The following PTPRQ variants were observed in gnomAD, a reference collection of about 807,000 sequenced individuals.
PTPRQ encodes the protein protein tyrosine phosphatase receptor type Q, also known as phosphatidylinositol phosphatase PTPRQ.
Under a neutral mutation model 246.0 loss-of-function variants are expected in PTPRQ, and 199 were observed. That is an observed-to-expected ratio of 0.81 (90% CI 0.72 to 0.91). The LOEUF (loss-of-function observed/expected upper bound fraction) is 0.91. PTPRQ is among the 40% of genes least tolerant of loss of function. The pLI is 0.00. For synonymous variants in PTPRQ, 869 were observed against 853.2 expected (o/e 1.02, Z -0.32); for missense variants, 2,624 against 2,528.4 (o/e 1.04, Z -0.81).
intron 8 of PTPRQ, among the ~76,000 whole-genome samples, chr12:80,479,937 C>A (rs1249428383): frequency 1.3e-5 from 2 of 151,550 alleles, no homozygotes; most frequent in African/African-American, 2.4e-5. Context: ...GACTTTAACA[C>A]CCCACTGTCA....
intron 30 of PTPRQ, among the ~76,000 whole-genome samples, chr12:80,619,172 A>G (rs913805424): frequency 3.3e-5 from 5 of 151,582 alleles, no homozygotes; most frequent in African/African-American, 1.2e-4. Flanking sequence ...CCTGGGCTCT[A>G]TTATCTCAGG....
At chr12:80,586,950 T>A (rs796966203) in intron 25 of PTPRQ, among the ~76,000 whole-genome samples, 35 of 152,158 alleles carry the variant, frequency 2.3e-4, no homozygotes, top group South Asian at 2.1e-4. Context: ...ACTACACCAT[T>A]TTATATAAGG....
intron 9 of PTPRQ, among the ~76,000 whole-genome samples, chr12:80,487,416 A>G (rs1005802478): frequency 6.6e-6 from 1 of 152,084 alleles, no homozygotes; most frequent in Non-Finnish European, 1.5e-5. Flanking sequence ...AGAGCGGCTG[A>G]CTTGAAGTCT....
At position 80,472,179 on chromosome 12, in the gene PTPRQ, G is replaced by T. The variant is rs1893660516; in HGVS notation, c.1114G>T (p.Val372Phe). 6.4e-7 allele frequency: 1 copy of T among 1,551,584 alleles called. No individual in the cohort carries two copies. The highest frequency in any genetic ancestry group is 8.7e-7 in the Non-Finnish European group (1 of 1,146,956). Residue 372 changes from valine (V) to phenylalanine (F), a missense_variant, in exon 8 of 45, where the codon GTC becomes TTC. Physicochemically the swap from Val to Phe is conservative, Grantham distance 50. Transcript: ENST00000644991. ...TNLTPFTMYD[V>F]YIAAETSAGT... ...CCTAACACCATTTACAATGTATGAT[G>T]TCTATATTGCGGCTGAAACCAGTGC...
At chr12:80,562,064 G>T (rs1037597763) in intron 25 of PTPRQ, among the ~76,000 whole-genome samples, 1 of 152,050 alleles carries the variant, frequency 6.6e-6, no homozygotes, top group Non-Finnish European at 1.5e-5. Context: ...TGTTAATAAG[G>T]TGGATTATGT....
intron 25 of PTPRQ, among the ~76,000 whole-genome samples, chr12:80,587,022 A>G (rs1897643031): frequency 6.6e-6 from 1 of 152,180 alleles, no homozygotes; most frequent in Non-Finnish European, 1.5e-5. Context: ...CCCTGTGGAT[A>G]CAAAAGGTGA....
Position 80,634,956 on chromosome 12 carries a change from A to G in PTPRQ, c.5798A>G (p.Lys1933Arg). 1 of 1,550,728 alleles carries G rather than the reference A, an allele frequency of 6.4e-7. No homozygotes were observed. Residue 1933 changes from lysine to arginine, a missense_variant, in exon 35 of 45, where the codon AAG (lysine) becomes AGG (arginine). By Grantham distance (26) the Lys-to-Arg change is conservative. Coordinates refer to ENST00000644991, the MANE Select transcript of PTPRQ (RefSeq NM_001145026.2). Reference protein sequence around the residue: ...AIFAFARIRQKQKEGGTYSPQ... With the variant: ...AIFAFARIRQRQKEGGTYSPQ... ...TCCGCTTGTTTTAGAATTCGACAGA[A>G]GCAGAAAGAAGGTGGCACATACTCT...
intron 26 of PTPRQ, among the ~76,000 whole-genome samples, chr12:80,600,155 C>T (rs144665392): frequency 6.6e-6 from 1 of 151,744 alleles, no homozygotes; most frequent in East Asian, 1.9e-4. Context: ...GGGCTAAATA[C>T]CTTGCTTTTT....
At chr12:80,447,731 G>C (rs1462383343) in intron 3 of PTPRQ, among the ~76,000 whole-genome samples, 1 of 150,176 alleles carries the variant, frequency 6.7e-6, no homozygotes, top group Non-Finnish European at 1.5e-5. Flanking sequence ...TTTATTTCTG[G>C]GTTTTCTATT....
At chr12:80,658,847 T>C (rs994976302) in intron 39 of PTPRQ, among the ~76,000 whole-genome samples, 2 of 152,020 alleles carry the variant, frequency 1.3e-5, no homozygotes, top group African/African-American at 4.8e-5. Context: ...CTTTTTCTTA[T>C]CCATAGGTCT....
At chr12:80,573,886 G>T (rs2120966322) in intron 25 of PTPRQ, among the ~76,000 whole-genome samples, 1 of 151,848 alleles carries the variant, frequency 6.6e-6, no homozygotes, top group African/African-American at 2.4e-5. Context: ...TAAATATTTT[G>T]CCATAAGGTT....
chr12:80,541,954 G>A, intron 21 of PTPRQ, 109 bp downstream of exon 21: 2 of 1,459,058 alleles, frequency 1.4e-6, no homozygotes, highest in Non-Finnish European at 1.8e-6. Context: ...TTGATCTCAA[G>A]TAATTAGCCT....
intron 42 of PTPRQ, among the ~76,000 whole-genome samples, chr12:80,671,402 C>A (rs1323736976): frequency 6.6e-6 from 1 of 152,038 alleles, no homozygotes; most frequent in Non-Finnish European, 1.5e-5. Context: ...TGATTAAAAC[C>A]TTTGATGGAC....
At chr12:80,448,819 G>A (rs1386987979) in intron 3 of PTPRQ, among the ~76,000 whole-genome samples, 2 of 148,600 alleles carry the variant, frequency 1.3e-5, no homozygotes, top group Admixed American at 6.7e-5. Flanking sequence ...ATTGTGAATA[G>A]TGCCGCAATA....
intron 25 of PTPRQ, among the ~76,000 whole-genome samples, chr12:80,581,220 A>G (rs2120993729): frequency 6.6e-6 from 1 of 152,320 alleles, no homozygotes; most frequent in East Asian, 1.9e-4. Flanking sequence ...AAATTGAAAC[A>G]TGGGAAAGGT....
At chr12:80,646,701 T>C (rs1018386076) in intron 35 of PTPRQ, among the ~76,000 whole-genome samples, 6 of 152,066 alleles carry the variant, frequency 3.9e-5, no homozygotes, top group Non-Finnish European at 8.8e-5. Flanking sequence ...CACAAACTTT[T>C]AAAAATCTGA....
chr12:80,520,840 T>A (rs1172964664), intron 17 of PTPRQ, among the ~76,000 whole-genome samples: 1 of 152,076 alleles, frequency 6.6e-6, no homozygotes, highest in Non-Finnish European at 1.5e-5. Context: ...TGTGTCTTTA[T>A]AGAAGCATGT....
At chr12:80,649,027 A>G in intron 36 of PTPRQ, 104 bp downstream of exon 36, 2 of 1,090,632 alleles carry the variant, frequency 1.8e-6, no homozygotes, top group South Asian at 2.3e-5. Flanking sequence ...TGTTTGTTGG[A>G]AAAACCTCCA....
chr12:80,470,861 C>A (rs1485355050), intron 7 of PTPRQ, among the ~76,000 whole-genome samples: 2 of 152,104 alleles, frequency 1.3e-5, no homozygotes, highest in Non-Finnish European at 2.9e-5. Context: ...AAAAAAGTTG[C>A]ATGAAATTGA....
Sources: gnomAD v4.1 joint callset for allele counts (sites outside exome capture counted in the v4.1 genomes callset) on GRCh38, gnomAD v4.1.1 for gene constraint, MANE v1.5 for transcripts, NCBI Gene and HGNC (gene_info 2026-07-23, HGNC 2026-07-21) for gene names.